The following ADGRB3 variants were observed in gnomAD, a reference collection of about 807,000 sequenced individuals.
The protein encoded by ADGRB3 is brain-specific angiogenesis inhibitor 3.
A neutral mutation model predicts 193.4 loss-of-function variants in ADGRB3; 37 were observed. The ratio of observed to expected loss-of-function variants is 0.19; its 90% CI spans 0.15 to 0.25. The LOEUF (loss-of-function observed/expected upper bound fraction) is 0.25, where lower values mean the gene tolerates loss of function less well. ADGRB3 is among the 10% of genes least tolerant of loss of function. The probability of loss-of-function intolerance (pLI) is 1.00; values close to 1 mark genes in which losing one functional copy is unlikely to be tolerated. For missense variants in ADGRB3, 1,637 were observed against 1,852.9 expected (o/e 0.88, Z 2.14); for synonymous variants, 690 against 644.2 (o/e 1.07, Z -1.08).
intron 20 of ADGRB3, among the ~76,000 whole-genome samples, chr6:69,251,623 A>G (rs942585974): frequency 3.9e-5 from 6 of 152,262 alleles, no homozygotes; most frequent in Admixed American, 1.3e-4. Context: ...CTGGCACACA[A>G]TATACTTTTT....
intron 3 of ADGRB3, among the ~76,000 whole-genome samples, chr6:68,824,193 C>A (rs937632918): frequency 6.0e-5 from 9 of 149,152 alleles, no homozygotes; most frequent in African/African-American, 2.2e-4. Context: ...CTAGATGAGA[C>A]TTATTCTATT....
intron 17 of ADGRB3, among the ~76,000 whole-genome samples, chr6:69,157,960 G>T (rs1045807142): frequency 6.6e-6 from 1 of 152,050 alleles, no homozygotes; most frequent in Non-Finnish European, 1.5e-5. Context: ...AATTCCTCTT[G>T]TCTAGGTTTC....
chr6:69,182,408 GAA>G (rs35063094), intron 17 of ADGRB3, among the ~76,000 whole-genome samples: 5 of 138,654 alleles, frequency 3.6e-5, no homozygotes, highest in Admixed American at 7.2e-5. Flanking sequence ...ACAACAACAA[GAA>G]AAAAAAAAAA....
intron 8 of ADGRB3, among the ~76,000 whole-genome samples, chr6:68,970,591 C>A (rs978694810): frequency 6.6e-5 from 10 of 152,184 alleles, no homozygotes; most frequent in Admixed American, 6.5e-4. Context: ...CAGGCATGAG[C>A]CACTGTGCCT....
rs191032062 is a variant in ADGRB3, at chr6:69,389,015, G to A, written c.*124G>A. The A allele has an allele frequency of 7.3e-6, 7 of 964,722 alleles. No individual in the cohort carries two copies. Among genetic ancestry groups the A allele is most frequent in the African/African-American group, 5.0e-5 (3 of 60,422 alleles). 59.8% of individuals were successfully genotyped at this position (964,722 alleles called of 1,614,324 possible). On this transcript the variant is annotated 3_prime_UTR_variant, in exon 32 of 32. Transcript: ENST00000370598. ...ATGTCAGGACCTTCATGTGCCAAAC[G>A]TCAGTGGTGTTTTCATATGGTAACT... is the stretch of plus-strand genomic sequence containing the variant.
At chr6:69,184,642 T>C (rs1018348835) in intron 17 of ADGRB3, among the ~76,000 whole-genome samples, 1 of 152,118 alleles carries the variant, frequency 6.6e-6, no homozygotes, top group African/African-American at 2.4e-5. Context: ...TTTTTAGAGA[T>C]ATTTTATTTT....
chr6:68,966,852 T>A lies in ADGRB3; in HGVS notation c.1526-7911T>A, dbSNP rs1414345641. Among the ~76,000 whole-genome samples, 4 of 152,328 alleles carry A rather than the reference T, an allele frequency of 2.6e-5. No individual in the cohort carries two copies. The East Asian group carries it at 7.7e-4, about 29-fold the overall frequency. On this transcript the variant is annotated intron_variant, in intron 8 of 31. Transcript: ENST00000370598. Reference sequence around the variant, plus strand: ...TTGTTGAATGAATGAATTCTATAAGTGGCACTGAGAAGTACCTAGAAAGAT... The same window carrying A: ...TTGTTGAATGAATGAATTCTATAAGAGGCACTGAGAAGTACCTAGAAAGAT...
intron 17 of ADGRB3, among the ~76,000 whole-genome samples, chr6:69,199,171 T>G (rs1765367961): frequency 6.6e-6 from 1 of 152,150 alleles, no homozygotes; most frequent in Admixed American, 6.6e-5. Context: ...ACTTTTCTTT[T>G]TCATTGCTCA....
chr6:68,668,945 G>T (rs569247774), intron 3 of ADGRB3, among the ~76,000 whole-genome samples: 1 of 152,062 alleles, frequency 6.6e-6, no homozygotes, highest in South Asian at 2.1e-4. Flanking sequence ...CCGTAGCATT[G>T]TATATTTCTT....
intron 26 of ADGRB3, among the ~76,000 whole-genome samples, chr6:69,342,538 T>A (rs1350364567): frequency 6.6e-6 from 1 of 152,116 alleles, no homozygotes; most frequent in Non-Finnish European, 1.5e-5. Context: ...CAAAATTCTT[T>A]TTGACCTTCT....
chr6:68,744,558 T>TA (rs1444043478), intron 3 of ADGRB3, among the ~76,000 whole-genome samples: 8 of 152,160 alleles, frequency 5.3e-5, no homozygotes, highest in Non-Finnish European at 8.8e-5. Flanking sequence ...TATGCAGCCA[T>TA]AAAAAATGAT....
intron 20 of ADGRB3, among the ~76,000 whole-genome samples, chr6:69,244,636 T>G (rs1766454667): frequency 1.3e-5 from 2 of 152,222 alleles, no homozygotes; most frequent in Admixed American, 1.3e-4. Flanking sequence ...TTCTACATGC[T>G]TCTTTGGGAG....
intron 8 of ADGRB3, among the ~76,000 whole-genome samples, chr6:68,963,275 G>T (rs1188345480): frequency 6.6e-6 from 1 of 152,138 alleles, no homozygotes; most frequent in East Asian, 1.9e-4. Context: ...TTTCAAGGAT[G>T]AAATGCTGGA....
chr6:68,885,964 G>GA (rs1194925355), intron 3 of ADGRB3, among the ~76,000 whole-genome samples: 3 of 152,204 alleles, frequency 2.0e-5, no homozygotes, highest in Non-Finnish European at 2.9e-5. Flanking sequence ...AACGTCCAGT[G>GA]AAAATAAAAC....
At position 68,864,003 on chromosome 6, in the gene ADGRB3, A is replaced by G. The variant is rs146111535; in HGVS notation, c.758-66556A>G. 2.6e-3 allele frequency among the ~76,000 whole-genome samples: 391 copies of G among 152,288 alleles called. 3 individuals carry two copies. Among genetic ancestry groups the G allele is most frequent in the African/African-American group, 8.6e-3 (357 of 41,562 alleles). ...ATTAGATTTTCTTTCAGGGTACCAA[A>G]GATCATTATAATTCAGTATTTATAC... is the stretch of plus-strand genomic sequence containing the variant. On this transcript the variant is annotated intron_variant, in intron 3 of 31. Coordinates refer to ENST00000370598, the MANE Select transcript of ADGRB3 (RefSeq NM_001704.3).
chr6:69,239,018 C>T, intron 19 of ADGRB3, 106 bp from the exon 20 acceptor site: 1 of 551,128 alleles, frequency 1.8e-6, no homozygotes, highest in East Asian at 2.9e-5. Flanking sequence ...TATTCCTGTG[C>T]TACAGTACTT....
chr6:69,270,861 A>G (rs1652739404), intron 20 of ADGRB3, among the ~76,000 whole-genome samples: 3 of 152,270 alleles, frequency 2.0e-5, no homozygotes, highest in South Asian at 4.1e-4. Flanking sequence ...TTTTTATACT[A>G]TTTTATGGTA....
At chr6:68,732,639 C>A (rs1170102562) in intron 3 of ADGRB3, among the ~76,000 whole-genome samples, 2 of 151,806 alleles carry the variant, frequency 1.3e-5, no homozygotes, top group African/African-American at 2.4e-5. Context: ...GAACAATAGT[C>A]AGTTTAAAGT....
intron 13 of ADGRB3, among the ~76,000 whole-genome samples, chr6:69,030,389 A>T (rs1447892795): frequency 1.3e-5 from 2 of 152,220 alleles, no homozygotes; most frequent in Non-Finnish European, 2.9e-5. Flanking sequence ...GATAGACTGG[A>T]TAAAGAAAAT....
Sources: gnomAD v4.1 joint callset for allele counts (sites outside exome capture counted in the v4.1 genomes callset) on GRCh38, gnomAD v4.1.1 for gene constraint, MANE v1.5 for transcripts, NCBI Gene and HGNC (gene_info 2026-07-23, HGNC 2026-07-21) for gene names.